Variants in RASSF3 observed in about 807,000 individuals in gnomAD.
RASSF3 encodes ras association domain-containing protein 3.
In RASSF3, 19 loss-of-function variants were observed where a neutral mutation model predicts 19.9. That is an observed-to-expected ratio of 0.96 (90% confidence interval 0.67 to 1.40). The LOEUF (loss-of-function observed/expected upper bound fraction) is 1.40, where lower values mean the gene tolerates loss of function less well. Ranked by LOEUF, RASSF3 falls within the 40% of genes most tolerant of loss-of-function variation. The pLI, the probability that RASSF3 is intolerant of heterozygous loss-of-function variation, is 0.00. For synonymous variants in RASSF3, 110 were observed against 104.2 expected (o/e 1.06, Z -0.34); for missense variants, 306 against 289.8 (o/e 1.06, Z -0.41).
At chr12:64,518,687 C>T (rs1868410213) in intron 1 of RASSF3, among the ~76,000 whole-genome samples, 2 of 152,212 alleles carry the variant, frequency 1.3e-5, no homozygotes, top group South Asian at 4.1e-4. Flanking sequence ...ATTTCCTCCT[C>T]GGAGACACCC....
intron 4 of RASSF3, among the ~76,000 whole-genome samples, chr12:64,694,303 G>A (rs1868324481): frequency 6.6e-6 from 1 of 152,188 alleles, no homozygotes; most frequent in Non-Finnish European, 1.5e-5. Context: ...ATAGATGATA[G>A]TAGCTAGCAC....
intron 2 of RASSF3, among the ~76,000 whole-genome samples, chr12:64,574,442 C>T (rs1381565581): frequency 1.3e-5 from 2 of 152,120 alleles, no homozygotes; most frequent in Admixed American, 6.6e-5. Context: ...GTAGATTGCA[C>T]TTCTTTGCCC....
intron 1 of RASSF3, among the ~76,000 whole-genome samples, chr12:64,523,540 T>A (rs893757431): frequency 1.3e-4 from 20 of 152,084 alleles, no homozygotes; most frequent in African/African-American, 4.6e-4. Context: ...CAGTGGGAGC[T>A]CTCTGTGAAG....
In RASSF3 at chr12:64,696,110, C is replaced by CCTCACTCACTCACTCA. The variant is rs1262511125; in HGVS notation, c.*1201_*1202insACTCACTCACTCACTC. 1 of 101,352 alleles carries CCTCACTCACTCACTCA rather than the reference C, an allele frequency of 9.9e-6. No homozygotes were observed. Among genetic ancestry groups the CCTCACTCACTCACTCA allele is most frequent in the Non-Finnish European group, 2.1e-5 (1 of 47,384 alleles). The allele number at this position is 101,352 out of a possible 1,614,324, so 6.3% of individuals were successfully genotyped here. On this transcript the variant is annotated 3_prime_UTR_variant, in exon 5 of 5. Transcript: ENST00000542104. ...TCCTCCCTCCCTCCCTCCCTCCCTC[C>CCTCACTCACTCACTCA]CTCCCTCCCTCCTTCCCTCCCTCTC...
upstream of RASSF3, among the ~76,000 whole-genome samples, chr12:64,606,277 G>C (rs1423480776): frequency 6.6e-6 from 1 of 152,170 alleles, no homozygotes; most frequent in Non-Finnish European, 1.5e-5. Context: ...ACCCCTGTGA[G>C]CTGAGATTGG....
intron 1 of RASSF3, among the ~76,000 whole-genome samples, chr12:64,638,940 G>A (rs1391195919): frequency 6.6e-6 from 1 of 152,140 alleles, no homozygotes. Context: ...TATTATGAAT[G>A]ATACTGCAAT....
chr12:64,641,428 G>GCGCGCGCGCT (rs1565858569), intron 1 of RASSF3, among the ~76,000 whole-genome samples: 3 of 61,948 alleles, frequency 4.8e-5, no homozygotes, highest in African/African-American at 2.1e-4. Context: ...GCGCGCGCGC[G>GCGCGCGCGCT]TTGAAAACAA....
chr12:64,571,091 G>A (rs931314453), intron 2 of RASSF3, among the ~76,000 whole-genome samples: 4 of 151,988 alleles, frequency 2.6e-5, no homozygotes, highest in South Asian at 2.1e-4. Context: ...GGTCGCGGGC[G>A]CCTGTAATCC....
chr12:64,622,917 T>TTC (rs1400670919), intron 1 of RASSF3, among the ~76,000 whole-genome samples: 1 of 151,618 alleles, frequency 6.6e-6, no homozygotes, highest in Non-Finnish European at 1.5e-5. Flanking sequence ...ATCTCCTGAG[T>TTC]TCAAGTGATT....
At chr12:64,578,251 T>C (rs1869629665) in intron 2 of RASSF3, among the ~76,000 whole-genome samples, 1 of 151,946 alleles carries the variant, frequency 6.6e-6, no homozygotes, top group Admixed American at 6.6e-5. Flanking sequence ...AACCTAAAAT[T>C]TACTGAGGGT....
intron 2 of RASSF3, among the ~76,000 whole-genome samples, chr12:64,604,795 G>A (rs979389184): frequency 4.7e-5 from 7 of 149,580 alleles, no homozygotes; most frequent in Admixed American, 3.3e-4. Flanking sequence ...CCGCCACCGT[G>A]CCCAGCTAAT....
intron 1 of RASSF3, among the ~76,000 whole-genome samples, chr12:64,511,122 G>A (rs1868325622): frequency 6.6e-6 from 1 of 152,228 alleles, no homozygotes; most frequent in Non-Finnish European, 1.5e-5. Context: ...AGTTGCTGAA[G>A]AGCGGCATGG....
chr12:64,536,732 T>G (rs763689942), intron 1 of RASSF3, among the ~76,000 whole-genome samples: 1 of 152,204 alleles, frequency 6.6e-6, no homozygotes. Context: ...CCATTTTGGG[T>G]AGAAAACAGA....
At chr12:64,684,756 T>C (rs1260009329) in intron 1 of RASSF3, 31 bp from the exon 2 acceptor site, 2 of 1,471,486 alleles carry the variant, frequency 1.4e-6, no homozygotes, top group African/African-American at 1.4e-5. Flanking sequence ...TTATGATTGC[T>C]CACATGTGAC....
intron 1 of RASSF3, among the ~76,000 whole-genome samples, chr12:64,614,796 C>A (rs1244949606): frequency 1.3e-5 from 2 of 150,424 alleles, no homozygotes; most frequent in African/African-American, 4.9e-5. Context: ...CTCCCAGGAT[C>A]AATTGATTCT....
chr12:64,572,689 C>A (rs1465321221), intron 2 of RASSF3, among the ~76,000 whole-genome samples: 1 of 151,982 alleles, frequency 6.6e-6, no homozygotes, highest in Non-Finnish European at 1.5e-5. Flanking sequence ...AATGTACGAA[C>A]GAAGCTTGAA....
At chr12:64,634,967 CTTT>C (rs139897110) in intron 1 of RASSF3, among the ~76,000 whole-genome samples, 8 of 128,104 alleles carry the variant, frequency 6.2e-5, no homozygotes, top group Non-Finnish European at 9.9e-5. Context: ...CTTTTCTTTT[CTTT>C]TTTTTTTTTT....
chr12:64,570,418 G>C (rs1243240515), intron 2 of RASSF3, among the ~76,000 whole-genome samples: 1 of 152,094 alleles, frequency 6.6e-6, no homozygotes, highest in Non-Finnish European at 1.5e-5. Flanking sequence ...ATAATATCAA[G>C]GGACAAACAG....
At chr12:64,692,721 T>C (rs1196490427) in intron 4 of RASSF3, among the ~76,000 whole-genome samples, 1 of 152,162 alleles carries the variant, frequency 6.6e-6, no homozygotes, top group African/African-American at 2.4e-5. Context: ...GGCAAGAATT[T>C]TATTAACTTG....
Sources: gnomAD v4.1 joint callset for allele counts (sites outside exome capture counted in the v4.1 genomes callset) on GRCh38, gnomAD v4.1.1 for gene constraint, MANE v1.5 for transcripts, NCBI Gene and HGNC (gene_info 2026-07-23, HGNC 2026-07-21) for gene names.